Variants in TMEFF1 observed in about 807,000 individuals in gnomAD.
TMEFF1 encodes the protein transmembrane protein with EGF like and two follistatin like domains 1, also known as tomoregulin-1.
In TMEFF1, 20 loss-of-function variants were observed where a neutral mutation model predicts 47.5. The ratio of observed to expected loss-of-function variants is 0.42; its 90% CI spans 0.30 to 0.61. TMEFF1 has a LOEUF of 0.61. TMEFF1 is among the 20% of genes least tolerant of loss of function. TMEFF1 has a pLI of 0.19. For synonymous variants in TMEFF1, 162 were observed against 166.3 expected (o/e 0.97, Z 0.20); for missense variants, 411 against 471.1 (o/e 0.87, Z 1.18).
chr9:100,538,729 G>T (rs1838566823), intron 5 of TMEFF1, among the ~76,000 whole-genome samples: 1 of 152,120 alleles, frequency 6.6e-6, no homozygotes, highest in African/African-American at 2.4e-5. Context: ...CATTTATGTT[G>T]ATGCACATAG....
intron 3 of TMEFF1, among the ~76,000 whole-genome samples, chr9:100,511,519 C>G (rs1837966364): frequency 6.6e-6 from 1 of 152,130 alleles, no homozygotes; most frequent in African/African-American, 2.4e-5. Flanking sequence ...ATTTTATTTT[C>G]TGAGTGGGCA....
rs1054410238 is a variant in TMEFF1 at position 100,508,145 on chromosome 9, C to T, written c.307-860C>T. On this transcript the variant is annotated intron_variant, in intron 2 of 9. Transcript: ENST00000374879. ...ATTTGTAATTTTTCTGTAAACACTT[C>T]ATGTCTGTCTTTGGTCCCGTTTTTA... is the stretch of plus-strand genomic sequence containing the variant. Among the ~76,000 whole-genome samples the T allele has an allele frequency of 1.3e-5, 2 of 152,146 alleles. 1 individual carries two copies. Among genetic ancestry groups the T allele is most frequent in the South Asian group, 4.1e-4 (2 of 4,832 alleles).
At chr9:100,529,333 T>C (rs200382672) in intron 5 of TMEFF1, among the ~76,000 whole-genome samples, 9 of 147,478 alleles carry the variant, frequency 6.1e-5, no homozygotes, top group South Asian at 2.2e-4. Context: ...CAGTGTGCTG[T>C]ATTCAGGAAA....
rs890033423 is a variant in TMEFF1 at position 100,550,504 on chromosome 9, G to C, written c.775+344G>C. 9.2e-5 allele frequency among the ~76,000 whole-genome samples: 14 copies of C among 152,268 alleles called. No homozygotes were observed. The East Asian group carries it at 1.2e-3, about 13-fold the overall frequency. On this transcript the variant is annotated intron_variant, in intron 7 of 9. Transcript: ENST00000374879. ...CTGTTAACACTTGCCCGATGCCCAG[G>C]TCTTTGAACCTTGTTCCTTTGCCTG...
In TMEFF1 at chr9:100,572,582, C is replaced by G. The variant is rs768539255; in HGVS notation, c.964C>G (p.Pro322Ala). Residue 322 changes from proline to alanine, a missense_variant, in exon 9 of 10, where the codon CCA becomes GCA. By Grantham distance (27) the Pro-to-Ala change is conservative (BLOSUM62 -1). Coordinates refer to ENST00000374879, the MANE Select transcript of TMEFF1 (RefSeq NM_003692.5). Reference sequence around the variant, plus strand: ...AGACTTTAGTATTCTCTATGTAGTGCCAAGTAGGCAAAAGCTCACTCATGT... The same window carrying G: ...AGACTTTAGTATTCTCTATGTAGTGGCAAGTAGGCAAAAGCTCACTCATGT... ...KTDFSILYVV[P>A]SRQKLTHVLI... 6.2e-7 allele frequency: 1 copy of G among 1,613,482 alleles called. No homozygotes were observed. Among genetic ancestry groups the G allele is most frequent in the South Asian group, 1.1e-5 (1 of 91,046 alleles).
chr9:100,473,623 C>A lies in TMEFF1; in HGVS notation c.79C>A (p.Leu27Ile). The A allele has an allele frequency of 2.6e-6, 4 of 1,559,904 alleles. No homozygotes were observed. ...CGCCTTCTGCTGCTACACGTCGGTGCTTCTGCTCTTCGCCTTCTCTCTGCC... is the reference window on the plus strand; with the variant it reads ...CGCCTTCTGCTGCTACACGTCGGTGATTCTGCTCTTCGCCTTCTCTCTGCC... ...PLAFCCYTSV[L>I]LLFAFSLPGS... Residue 27 changes from leucine (L) to isoleucine (I), a missense_variant, in exon 1 of 10, where the codon CTT (leucine) becomes ATT (isoleucine). Physicochemically the swap from Leu to Ile is conservative, Grantham distance 5. Transcript: ENST00000374879. This position sits in a 1 kb window ranked among gnomAD's most constrained non-coding sequence, Gnocchi z 5.4.
At chr9:100,527,599 T>C (rs1160693944) in intron 5 of TMEFF1, among the ~76,000 whole-genome samples, 1 of 152,086 alleles carries the variant, frequency 6.6e-6, no homozygotes, top group Non-Finnish European at 1.5e-5. Context: ...TACACCCATA[T>C]AGTCTCGCTG....
At chr9:100,545,036 C>T (rs1482092599) in intron 5 of TMEFF1, among the ~76,000 whole-genome samples, 1 of 152,222 alleles carries the variant, frequency 6.6e-6, no homozygotes, top group East Asian at 1.9e-4. Context: ...ATCTTGGCTG[C>T]TTTCATGGGC....
chr9:100,502,123 C>T (rs567418120), intron 2 of TMEFF1, among the ~76,000 whole-genome samples: 253 of 152,174 alleles, frequency 1.7e-3, no homozygotes, highest in Non-Finnish European at 2.5e-3. Context: ...TTGTTTAATT[C>T]CCCTTTTAAA....
At chr9:100,517,113 T>G (rs986457339) in intron 5 of TMEFF1, among the ~76,000 whole-genome samples, 1 of 152,218 alleles carries the variant, frequency 6.6e-6, no homozygotes, top group Non-Finnish European at 1.5e-5. Flanking sequence ...CTGACAGCAC[T>G]GTCTGTCCAA....
intron 1 of TMEFF1, among the ~76,000 whole-genome samples, chr9:100,489,500 T>G (rs1399644202): frequency 6.6e-6 from 1 of 152,228 alleles, no homozygotes; most frequent in Non-Finnish European, 1.5e-5. Flanking sequence ...CTACATAATT[T>G]TCAAGGTTCT....
At chr9:100,507,540 C>T (rs979576735) in intron 2 of TMEFF1, among the ~76,000 whole-genome samples, 63 of 152,018 alleles carry the variant, frequency 4.1e-4, no homozygotes, top group African/African-American at 1.4e-3. Flanking sequence ...TTAATAATAG[C>T]CATTTTGACT....
intron 1 of TMEFF1, among the ~76,000 whole-genome samples, chr9:100,481,180 C>T (rs952464294): frequency 6.6e-6 from 1 of 152,146 alleles, no homozygotes; most frequent in Non-Finnish European, 1.5e-5. Flanking sequence ...TTCCTTCGTG[C>T]TTTTTCTTGC....
intron 1 of TMEFF1, among the ~76,000 whole-genome samples, chr9:100,494,123 C>A (rs1263018601): frequency 6.6e-6 from 1 of 150,466 alleles, no homozygotes; most frequent in African/African-American, 2.5e-5. Flanking sequence ...GGGATAATCG[C>A]TTGAGCCCAG....
At chr9:100,511,559 T>G (rs1837967598) in intron 3 of TMEFF1, among the ~76,000 whole-genome samples, 1 of 152,244 alleles carries the variant, frequency 6.6e-6, no homozygotes, top group African/African-American at 2.4e-5. Flanking sequence ...CTTTTGTGGA[T>G]CCTATTCCTT....
chr9:100,571,473 T>C (rs1049835569), intron 8 of TMEFF1, among the ~76,000 whole-genome samples: 2 of 152,212 alleles, frequency 1.3e-5, no homozygotes, highest in African/African-American at 4.8e-5. Flanking sequence ...TTTTAAGTGT[T>C]CTCACCACAG....
chr9:100,551,226 T>G (rs1214040208), intron 7 of TMEFF1, among the ~76,000 whole-genome samples: 1 of 152,244 alleles, frequency 6.6e-6, no homozygotes, highest in Non-Finnish European at 1.5e-5. Flanking sequence ...TCCTAGAGTT[T>G]CATAAAAACT....
intron 5 of TMEFF1, among the ~76,000 whole-genome samples, chr9:100,520,474 T>C (rs1838142450): frequency 6.6e-6 from 1 of 152,260 alleles, no homozygotes; most frequent in Non-Finnish European, 1.5e-5. Flanking sequence ...TTGCTAATGG[T>C]TGTTAAAAAA....
intron 7 of TMEFF1, among the ~76,000 whole-genome samples, chr9:100,556,682 T>A (rs1293949534): frequency 6.6e-6 from 1 of 152,206 alleles, no homozygotes; most frequent in East Asian, 1.9e-4. Context: ...GATTCCTTTA[T>A]CAAACCAGAT....
Sources: gnomAD v4.1 joint callset for allele counts (sites outside exome capture counted in the v4.1 genomes callset) on GRCh38, gnomAD v4.1.1 for gene constraint, Gnocchi (gnomAD v3.1) non-coding constraint, MANE v1.5 for transcripts, NCBI Gene and HGNC (gene_info 2026-07-23, HGNC 2026-07-21) for gene names.